The following DLG2 variants were observed in gnomAD, a reference collection of about 807,000 sequenced individuals.
DLG2 encodes the protein disks large homolog 2.
A neutral mutation model predicts 132.5 loss-of-function variants in DLG2; 45 were observed. The observed-to-expected ratio is 0.34, with a 90% CI of 0.27 to 0.44. The LOEUF (loss-of-function observed/expected upper bound fraction) is 0.44, where lower values mean the gene tolerates loss of function less well. DLG2 is among the 20% of genes least tolerant of loss of function. The pLI is 1.00. For missense variants in DLG2, 1,045 were observed against 1,196.9 expected, an observed-to-expected ratio of 0.87 and a Z score of 1.87; for synonymous variants, 424 against 419.6, an observed-to-expected ratio of 1.01 and a Z score of -0.13.
intron 5 of DLG2, among the ~76,000 whole-genome samples, chr11:85,151,450 A>C (rs2077244056): frequency 6.6e-6 from 1 of 151,974 alleles, no homozygotes; most frequent in Non-Finnish European, 1.5e-5. Flanking sequence ...TGCCAAATCC[A>C]ATGTGTCCTG....
At chr11:85,065,491 G>C (rs1326298061) in intron 6 of DLG2, among the ~76,000 whole-genome samples, 1 of 151,228 alleles carries the variant, frequency 6.6e-6, no homozygotes, top group Non-Finnish European at 1.5e-5. Context: ...ATTAAATAAA[G>C]GCAAATTCCG....
chr11:84,608,689 G>T (rs2099590044), intron 6 of DLG2, among the ~76,000 whole-genome samples: 1 of 152,158 alleles, frequency 6.6e-6, no homozygotes, highest in South Asian at 2.1e-4. Flanking sequence ...GACAAAGTCA[G>T]ACACTGTGGA....
At chr11:83,578,073 T>TACACACAC (rs554190947) in intron 19 of DLG2, among the ~76,000 whole-genome samples, 4 of 88,194 alleles carry the variant, frequency 4.5e-5, no homozygotes, top group African/African-American at 1.8e-4. Context: ...TATATATATG[T>TACACACAC]ATACACACAC....
At chr11:84,684,903 T>C (rs2099736735) in intron 6 of DLG2, among the ~76,000 whole-genome samples, 1 of 152,232 alleles carries the variant, frequency 6.6e-6, no homozygotes, top group South Asian at 2.1e-4. Flanking sequence ...GTGTTTGACT[T>C]TGAGAATTTC....
intron 6 of DLG2, among the ~76,000 whole-genome samples, chr11:84,655,944 C>T (rs1470149327): frequency 3.3e-5 from 5 of 152,064 alleles, no homozygotes; most frequent in African/African-American, 9.7e-5. Context: ...ATCAACATTC[C>T]AGTAGAATAT....
chr11:84,826,074 A>T (rs1260591834), intron 6 of DLG2, among the ~76,000 whole-genome samples: 2 of 151,826 alleles, frequency 1.3e-5, no homozygotes, highest in Non-Finnish European at 2.9e-5. Flanking sequence ...TTTTCTGGGT[A>T]GATAGTAGGT....
chr11:84,309,554 T>C (rs533011664), intron 7 of DLG2, among the ~76,000 whole-genome samples: 5 of 152,364 alleles, frequency 3.3e-5, no homozygotes, highest in African/African-American at 1.2e-4. Flanking sequence ...ACTAGGTGAC[T>C]ACTAAGATTC....
At chr11:84,305,866 T>C (rs1459085508) in intron 7 of DLG2, among the ~76,000 whole-genome samples, 4 of 152,146 alleles carry the variant, frequency 2.6e-5, no homozygotes, top group Non-Finnish European at 2.9e-5. Flanking sequence ...TCTGACTTGA[T>C]GATGTCAAGT....
intron 6 of DLG2, among the ~76,000 whole-genome samples, chr11:85,093,309 GT>G (rs67241693): frequency 0.7 from 105,771 of 150,426 alleles, 38,126 homozygotes; most frequent in East Asian, 0.94. Context: ...GGGAGTTTTT[GT>G]TTTTTTTTTG....
At chr11:84,497,547 C>G (rs2099188193) in intron 7 of DLG2, among the ~76,000 whole-genome samples, 1 of 152,234 alleles carries the variant, frequency 6.6e-6, no homozygotes, top group African/African-American at 2.4e-5. Flanking sequence ...TGGGAACATA[C>G]TGTTACCTCC....
At chr11:84,213,547 C>T (rs1427919688) in intron 8 of DLG2, among the ~76,000 whole-genome samples, 6 of 152,056 alleles carry the variant, frequency 3.9e-5, no homozygotes, top group Admixed American at 2.0e-4. Context: ...AGGCCAGGCG[C>T]GGTGGCTCAT....
At chr11:84,670,500 G>A (rs570310153) in intron 6 of DLG2, among the ~76,000 whole-genome samples, 6 of 152,140 alleles carry the variant, frequency 3.9e-5, no homozygotes, top group Non-Finnish European at 8.8e-5. Context: ...GTCCACCAGA[G>A]GCTACAGAAC....
intron 19 of DLG2, among the ~76,000 whole-genome samples, chr11:83,582,698 A>C (rs2144988390): frequency 6.6e-6 from 1 of 152,338 alleles, no homozygotes; most frequent in East Asian, 1.9e-4. Flanking sequence ...TTTTCAAACA[A>C]AATGTATTAA....
chr11:84,164,185 A>G (rs2154263106), intron 8 of DLG2, among the ~76,000 whole-genome samples: 1 of 152,350 alleles, frequency 6.6e-6, no homozygotes, highest in Admixed American at 6.5e-5. Flanking sequence ...GAATTTACAG[A>G]GAGAAATACA....
chr11:84,066,634 G>A (rs928333979), intron 10 of DLG2, among the ~76,000 whole-genome samples: 5 of 152,108 alleles, frequency 3.3e-5, no homozygotes, highest in East Asian at 3.9e-4. Flanking sequence ...GGTGGCAGGC[G>A]CCTGTAATCC....
intron 10 of DLG2, among the ~76,000 whole-genome samples, chr11:84,070,689 G>A (rs2096743283): frequency 6.6e-6 from 1 of 152,194 alleles, no homozygotes; most frequent in African/African-American, 2.4e-5. Flanking sequence ...GCATGGCATG[G>A]TGGGAAGAAC....
intron 6 of DLG2, among the ~76,000 whole-genome samples, chr11:84,665,734 G>A (rs1416674879): frequency 6.6e-6 from 1 of 152,102 alleles, no homozygotes; most frequent in East Asian, 1.9e-4. Context: ...TCTAGATGTT[G>A]AACTCTTCCA....
At chr11:85,304,210 G>C (rs764161646) in intron 3 of DLG2, among the ~76,000 whole-genome samples, 5 of 152,044 alleles carry the variant, frequency 3.3e-5, no homozygotes, top group Non-Finnish European at 7.4e-5. Flanking sequence ...AGACAGCAGA[G>C]GTACATTAAT....
At chr11:85,145,466 C>T (rs1009560337) in intron 5 of DLG2, among the ~76,000 whole-genome samples, 4 of 152,004 alleles carry the variant, frequency 2.6e-5, no homozygotes, top group Non-Finnish European at 4.4e-5. Context: ...TTTACATTTT[C>T]CCTTTTGAGA....
Sources: gnomAD v4.1 joint callset for allele counts (sites outside exome capture counted in the v4.1 genomes callset) on GRCh38, gnomAD v4.1.1 for gene constraint, MANE v1.5 for transcripts, NCBI Gene and HGNC (gene_info 2026-07-23, HGNC 2026-07-21) for gene names.